The following ROBO2 variants were observed in gnomAD, a reference collection of about 807,000 sequenced individuals.
The protein encoded by ROBO2 is roundabout guidance receptor 2.
A neutral mutation model predicts 160.8 loss-of-function variants in ROBO2; 53 were observed. That is an observed-to-expected ratio of 0.33 (90% CI 0.26 to 0.41). ROBO2 has a LOEUF of 0.41. Ranked by LOEUF, ROBO2 falls within the 10% of genes least tolerant of loss-of-function variation. The pLI, the probability that ROBO2 is intolerant of heterozygous loss-of-function variation, is 1.00. For synonymous variants in ROBO2, 664 were observed against 611.7 expected (o/e 1.09, Z -1.26); for missense variants, 1,577 against 1,722.4 (o/e 0.92, Z 1.49).
At chr3:76,095,129 T>C (rs1291501600) in intron 2 of ROBO2, among the ~76,000 whole-genome samples, 1 of 152,026 alleles carries the variant, frequency 6.6e-6, no homozygotes, top group Non-Finnish European at 1.5e-5. Flanking sequence ...AGTATGAGAC[T>C]AAGATGCAAA....
At chr3:76,004,879 T>A (rs967629959) in intron 2 of ROBO2, among the ~76,000 whole-genome samples, 2 of 152,198 alleles carry the variant, frequency 1.3e-5, no homozygotes, top group East Asian at 3.9e-4. Context: ...ATGCTGTTAT[T>A]ATTGTTTGGA....
At chr3:77,307,858 C>T (rs1207404546) in intron 2 of ROBO2, among the ~76,000 whole-genome samples, 1 of 151,846 alleles carries the variant, frequency 6.6e-6, no homozygotes, top group Non-Finnish European at 1.5e-5. Flanking sequence ...CTCAGGAGGC[C>T]AAGGCAGGAG....
At chr3:76,854,980 T>C (rs1242033122) in intron 2 of ROBO2, among the ~76,000 whole-genome samples, 1 of 152,150 alleles carries the variant, frequency 6.6e-6, no homozygotes, top group Non-Finnish European at 1.5e-5. Context: ...TGTGAGTCCT[T>C]TCCTTGTCTA....
chr3:77,524,376 A>G (rs2090930159), intron 6 of ROBO2, among the ~76,000 whole-genome samples: 1 of 151,262 alleles, frequency 6.6e-6, no homozygotes, highest in Admixed American at 6.6e-5. Context: ...CTACATGGAT[A>G]ACTTCATACA....
At chr3:77,181,774 TA>T (rs2080810220) in intron 2 of ROBO2, among the ~76,000 whole-genome samples, 2 of 152,106 alleles carry the variant, frequency 1.3e-5, no homozygotes, top group Non-Finnish European at 2.9e-5. Context: ...TTAGTATATG[TA>T]AATTTTCAAA....
At chr3:76,569,866 T>A (rs932348550) in intron 2 of ROBO2, among the ~76,000 whole-genome samples, 1 of 152,178 alleles carries the variant, frequency 6.6e-6, no homozygotes, top group African/African-American at 2.4e-5. Flanking sequence ...GGCTCACACC[T>A]GTAATCCCAG....
chr3:76,735,455 G>A (rs2324659), intron 2 of ROBO2, among the ~76,000 whole-genome samples: 99,015 of 151,944 alleles, frequency 0.65, 32,408 homozygotes, highest in African/African-American at 0.72. Flanking sequence ...GGAAGGCAGC[G>A]GGGCATGGGT....
intron 5 of ROBO2, among the ~76,000 whole-genome samples, chr3:77,495,063 A>C (rs537642515): frequency 6.6e-6 from 1 of 152,220 alleles, no homozygotes; most frequent in African/African-American, 2.4e-5. Context: ...GAGAGTTTAC[A>C]CTATTGAATT....
intron 2 of ROBO2, among the ~76,000 whole-genome samples, chr3:76,015,595 G>C (rs2066384148): frequency 6.6e-6 from 1 of 152,170 alleles, no homozygotes; most frequent in African/African-American, 2.4e-5. Flanking sequence ...AATTTCTTAT[G>C]TTCTGGTATG....
Position 76,539,770 on chromosome 3 carries a change from C to A in ROBO2, c.110-558244C>A, listed in dbSNP as rs903019449. ...GAAAGCTGAAAGCATTAAAACTTAACCCACAAAAATTTCCTGACAGAGTGT... is the reference window on the plus strand; with the variant it reads ...GAAAGCTGAAAGCATTAAAACTTAAACCACAAAAATTTCCTGACAGAGTGT... On this transcript the variant is annotated intron_variant, in intron 2 of 26. Coordinates refer to the ROBO2 transcript ENST00000487694. Among the ~76,000 whole-genome samples, 3 of 152,134 alleles carry A rather than the reference C, an allele frequency of 2.0e-5. No individual in the cohort carries two copies. The South Asian group carries it at 6.2e-4, about 32-fold the overall frequency.
intron 2 of ROBO2, among the ~76,000 whole-genome samples, chr3:77,334,663 T>C (rs1320807136): frequency 1.3e-5 from 2 of 152,158 alleles, no homozygotes; most frequent in South Asian, 2.1e-4. Flanking sequence ...AGCTCTCTAG[T>C]AGTGCTTGGG....
intron 2 of ROBO2, among the ~76,000 whole-genome samples, chr3:76,854,737 G>T (rs972913854): frequency 1.3e-5 from 2 of 151,952 alleles, no homozygotes; most frequent in East Asian, 3.9e-4. Context: ...TGGCCTAATA[G>T]TTCTATTACT....
At chr3:76,858,902 A>T (rs527685713) in intron 2 of ROBO2, among the ~76,000 whole-genome samples, 2 of 152,232 alleles carry the variant, frequency 1.3e-5, no homozygotes, top group Non-Finnish European at 2.9e-5. Flanking sequence ...GTCCTGGAAG[A>T]TAGAAACCAG....
At chr3:76,129,003 C>T (rs556747184) in intron 2 of ROBO2, among the ~76,000 whole-genome samples, 1 of 151,150 alleles carries the variant, frequency 6.6e-6, no homozygotes, top group South Asian at 2.1e-4. Context: ...AAATCCTTTG[C>T]TGTGAGGTTA....
At chr3:77,484,508 A>AACACACACACACACAC (rs60959193) in intron 4 of ROBO2, among the ~76,000 whole-genome samples, 53 of 146,830 alleles carry the variant, frequency 3.6e-4, no homozygotes, top group African/African-American at 1.0e-3. Flanking sequence ...CCCCAACACA[A>AACACACACACACACAC]ACACACACAC....
chr3:76,214,717 G>A (rs1381301729), intron 2 of ROBO2, among the ~76,000 whole-genome samples: 1 of 152,230 alleles, frequency 6.6e-6, no homozygotes, highest in African/African-American at 2.4e-5. Context: ...GCCTGCCTCT[G>A]TAGGCTCCAC....
chr3:76,852,340 A>T (rs2069494496), intron 2 of ROBO2, among the ~76,000 whole-genome samples: 1 of 152,202 alleles, frequency 6.6e-6, no homozygotes, highest in African/African-American at 2.4e-5. Context: ...TGTTCCCCAG[A>T]TATTAAATAA....
intron 2 of ROBO2, among the ~76,000 whole-genome samples, chr3:76,876,749 T>C (rs2072773766): frequency 6.6e-6 from 1 of 152,094 alleles, no homozygotes; most frequent in African/African-American, 2.4e-5. Flanking sequence ...AGGGTTTACA[T>C]ACTATTGCAA....
intron 2 of ROBO2, among the ~76,000 whole-genome samples, chr3:75,943,776 A>G (rs1948156752): frequency 6.6e-6 from 1 of 152,026 alleles, no homozygotes; most frequent in African/African-American, 2.4e-5. Flanking sequence ...ATCTTGGCTC[A>G]CTGCAGCCTC....
Sources: gnomAD v4.1 joint callset for allele counts (sites outside exome capture counted in the v4.1 genomes callset) on GRCh38, gnomAD v4.1.1 for gene constraint, MANE v1.5 for transcripts, NCBI Gene and HGNC (gene_info 2026-07-23, HGNC 2026-07-21) for gene names.